NPAS3: variants seen among roughly 807,000 people sequenced by gnomAD.
NPAS3 encodes the protein neuronal PAS domain-containing protein 3.
Under a neutral mutation model 73.1 loss-of-function variants are expected in NPAS3, and 14 were observed. That is an observed-to-expected ratio of 0.19 (90% CI 0.13 to 0.30). The LOEUF (loss-of-function observed/expected upper bound fraction) is 0.30, where lower values mean the gene tolerates loss of function less well. NPAS3 is among the 10% of genes least tolerant of loss of function. The pLI, the probability that NPAS3 is intolerant of heterozygous loss-of-function variation, is 1.00. For missense variants in NPAS3, 1,096 were observed against 1,250.0 expected (o/e 0.88, Z 1.86); for synonymous variants, 620 against 541.5 (o/e 1.14, Z -2.01).
intron 5 of NPAS3, among the ~76,000 whole-genome samples, chr14:33,584,401 T>TTAAA (rs1555417082): frequency 1.2e-5 from 1 of 84,324 alleles, no homozygotes; most frequent in African/African-American, 5.1e-5. Flanking sequence ...GATGTTTATT[T>TTAAA]AAAAAAAAAA....
chr14:33,715,113 G>A (rs989424260), intron 6 of NPAS3, among the ~76,000 whole-genome samples: 11 of 152,142 alleles, frequency 7.2e-5, no homozygotes, highest in Non-Finnish European at 1.2e-4. Flanking sequence ...TTTATAGCTT[G>A]AGCCAATTAG....
chr14:33,080,177 A>G (rs1482225612), intron 2 of NPAS3, among the ~76,000 whole-genome samples: 2 of 151,814 alleles, frequency 1.3e-5, no homozygotes, highest in African/African-American at 2.4e-5. Context: ...GAGTGATCTC[A>G]GCTCACTGCA....
intron 5 of NPAS3, among the ~76,000 whole-genome samples, chr14:33,639,029 C>T (rs1430137100): frequency 6.6e-6 from 1 of 152,196 alleles, no homozygotes; most frequent in Non-Finnish European, 1.5e-5. Flanking sequence ...GTGTCCAAGG[C>T]CCATCTAATG....
chr14:33,458,134 G>GT (rs2050104386), intron 4 of NPAS3, among the ~76,000 whole-genome samples: 1 of 152,154 alleles, frequency 6.6e-6, no homozygotes, highest in South Asian at 2.1e-4. Flanking sequence ...AATTACTTCA[G>GT]TTTGCTCAAG....
intron 7 of NPAS3, among the ~76,000 whole-genome samples, chr14:33,761,057 C>T (rs2062270036): frequency 1.3e-5 from 2 of 152,206 alleles, no homozygotes. Flanking sequence ...CCAAGAACTA[C>T]ATCAAATAGA....
intron 3 of NPAS3, among the ~76,000 whole-genome samples, chr14:33,264,831 G>A (rs1024151990): frequency 6.6e-6 from 1 of 152,132 alleles, no homozygotes; most frequent in South Asian, 2.1e-4. Context: ...GGGCAGTCTT[G>A]GTCTCCTCAC....
chr14:33,095,915 G>A (rs966404036), intron 2 of NPAS3, among the ~76,000 whole-genome samples: 1 of 151,058 alleles, frequency 6.6e-6, no homozygotes, highest in African/African-American at 2.4e-5. Context: ...CTCGTGATTC[G>A]CCCGATTCGC....
intron 3 of NPAS3, among the ~76,000 whole-genome samples, chr14:33,279,556 G>A (rs1313363691): frequency 6.6e-6 from 1 of 152,050 alleles, no homozygotes; most frequent in Admixed American, 6.6e-5. Flanking sequence ...GATGTTACCC[G>A]GGAGCTTGTT....
intron 1 of NPAS3, among the ~76,000 whole-genome samples, chr14:32,952,082 T>A (rs1278190634): frequency 1.3e-5 from 2 of 151,922 alleles, no homozygotes; most frequent in Admixed American, 1.3e-4. Context: ...AATTTCTATA[T>A]GTGTGTGTAG....
At chr14:33,382,849 T>C (rs1412597160) in intron 4 of NPAS3, among the ~76,000 whole-genome samples, 1 of 152,046 alleles carries the variant, frequency 6.6e-6, no homozygotes, top group Non-Finnish European at 1.5e-5. Flanking sequence ...TCTCAGAACT[T>C]TGGGAGACAG....
rs35968798 is a variant in NPAS3, at chr14:33,235,805, C to CTTTTTTTTTTT, written c.385+20393_385+20403dup. ...GACTAAAAGTTCTGTTGATACAATT[C>CTTTTTTTTTTT]TTTTTTTTTTTTTTTTTTTTTTTTG... On this transcript the variant is annotated intron_variant, in intron 3 of 11. Transcript: ENST00000356141. Among the ~76,000 whole-genome samples, 93 of 80,626 alleles carry CTTTTTTTTTTT rather than the reference C, an allele frequency of 1.2e-3. 8 individuals carry two copies. Among genetic ancestry groups the CTTTTTTTTTTT allele is most frequent in the African/African-American group, 3.8e-3 (76 of 19,950 alleles). The allele number at this position is 80,626 out of a possible 152,430, so 52.9% of individuals were successfully genotyped here.
At chr14:33,106,567 A>G (rs982670710) in intron 2 of NPAS3, among the ~76,000 whole-genome samples, 2 of 152,198 alleles carry the variant, frequency 1.3e-5, no homozygotes, top group Admixed American at 6.5e-5. Context: ...GAACTTTTGA[A>G]AAGTTGTGAA....
At chr14:33,561,895 T>C (rs538438238) in intron 5 of NPAS3, among the ~76,000 whole-genome samples, 1 of 152,344 alleles carries the variant, frequency 6.6e-6, no homozygotes, top group Non-Finnish European at 1.5e-5. Flanking sequence ...ATCCAAATTC[T>C]GTCAAGGCAA....
chr14:33,372,535 G>A (rs2046136761), intron 4 of NPAS3, among the ~76,000 whole-genome samples: 1 of 152,166 alleles, frequency 6.6e-6, no homozygotes, highest in Non-Finnish European at 1.5e-5. Context: ...CCCAGGCTGT[G>A]TATTGCGAAC....
chr14:32,983,231 A>G (rs946529507), intron 1 of NPAS3, among the ~76,000 whole-genome samples: 14 of 152,160 alleles, frequency 9.2e-5, no homozygotes, highest in Non-Finnish European at 1.9e-4. Context: ...AGTATTTTGT[A>G]GGGTTTACAT....
chr14:33,287,863 A>G (rs1162198992), intron 3 of NPAS3, among the ~76,000 whole-genome samples: 1 of 152,198 alleles, frequency 6.6e-6, no homozygotes, highest in African/African-American at 2.4e-5. Context: ...GTGCATGTAC[A>G]TTCCACCAAA....
At chr14:33,257,539 T>C (rs1291248042) in intron 3 of NPAS3, among the ~76,000 whole-genome samples, 2 of 152,226 alleles carry the variant, frequency 1.3e-5, no homozygotes, top group Non-Finnish European at 2.9e-5. Flanking sequence ...GACTAAAAGC[T>C]GTATCTACAT....
At chr14:33,672,130 G>A (rs115730213) in intron 5 of NPAS3, among the ~76,000 whole-genome samples, 454 of 152,260 alleles carry the variant, frequency 3.0e-3, no homozygotes, top group African/African-American at 9.8e-3. Context: ...GAGTTTTGCC[G>A]TAGATTGGAA....
intron 3 of NPAS3, among the ~76,000 whole-genome samples, chr14:33,366,325 T>TAA (rs112336571): frequency 6.9e-6 from 1 of 145,896 alleles, no homozygotes; most frequent in Admixed American, 6.8e-5. Context: ...GAACCCCACG[T>TAA]AAAAAAAAAA....
Sources: allele counts gnomAD v4.1 joint callset (sites outside exome capture counted in the v4.1 genomes callset), GRCh38; gene constraint gnomAD v4.1.1; transcripts MANE v1.5; gene names NCBI Gene and HGNC (gene_info 2026-07-23, HGNC 2026-07-21).